The following ZFYVE28 variants were observed in gnomAD, a reference collection of about 807,000 sequenced individuals.
ZFYVE28 encodes lateral signaling target protein 2 homolog.
In ZFYVE28, 40 loss-of-function variants were observed where a neutral mutation model predicts 82.1. That is an observed-to-expected ratio of 0.49 (90% CI 0.38 to 0.63). The LOEUF is 0.63. ZFYVE28 is among the 30% of genes least tolerant of loss of function. ZFYVE28 has a pLI of 0.00. For synonymous variants in ZFYVE28, 612 were observed against 546.1 expected (o/e 1.12, Z -1.68); for missense variants, 1,321 against 1,242.1 (o/e 1.06, Z -0.96).
chr4:2,339,853 A>G lies in ZFYVE28; in HGVS notation c.319-198T>C, dbSNP rs1001750917. On this transcript the variant is annotated intron_variant, in intron 3 of 12. Transcript: ENST00000290974. The surrounding 1 kb of genome is among the most constrained non-coding windows in gnomAD (Gnocchi z 5.0). ...TGAGGGCGATAACCGATGTCCCCCA[A>G]TGTGACCCACGGGGTCCTCACAGGG... Among the ~76,000 whole-genome samples the G allele has an allele frequency of 1.9e-4, 28 of 149,474 alleles. No homozygotes were observed. The highest frequency in any genetic ancestry group is 5.9e-4 in the African/African-American group (24 of 40,802).
chr4:2,346,538 A>T (rs568150147), intron 2 of ZFYVE28, among the ~76,000 whole-genome samples: 31 of 152,256 alleles, frequency 2.0e-4, no homozygotes, highest in African/African-American at 7.2e-4. Context: ...AAATGAAAAA[A>T]ATACCCTAAC....
At chr4:2,397,970 C>T (rs1466464477) in intron 1 of ZFYVE28, among the ~76,000 whole-genome samples, 1 of 143,526 alleles carries the variant, frequency 7.0e-6, no homozygotes, top group Non-Finnish European at 1.5e-5. Flanking sequence ...GGTGTGAGGC[C>T]CAGGCACCCA....
At chr4:2,279,582 A>C (rs554838744) in intron 8 of ZFYVE28, among the ~76,000 whole-genome samples, 4 of 152,310 alleles carry the variant, frequency 2.6e-5, no homozygotes, top group East Asian at 3.9e-4. Flanking sequence ...GATCGAGACC[A>C]TCCTGGCTAA....
At chr4:2,324,117 T>C (rs570851972) in intron 6 of ZFYVE28, among the ~76,000 whole-genome samples, 3 of 152,310 alleles carry the variant, frequency 2.0e-5, no homozygotes, top group South Asian at 4.1e-4. Flanking sequence ...TTTTAAGGAA[T>C]TGTTTCATGC....
At chr4:2,410,906 C>A (rs1732455888) in intron 1 of ZFYVE28, among the ~76,000 whole-genome samples, 1 of 152,134 alleles carries the variant, frequency 6.6e-6, no homozygotes, top group African/African-American at 2.4e-5. Context: ...CTGCTATGAA[C>A]ATGAGTGTAC....
At chr4:2,357,409 G>A (rs1329717692) in intron 1 of ZFYVE28, among the ~76,000 whole-genome samples, 2 of 152,210 alleles carry the variant, frequency 1.3e-5, no homozygotes, top group Admixed American at 6.5e-5. Flanking sequence ...CCTGAACCAG[G>A]AGGGAGCATG....
chr4:2,418,279 G>T lies in ZFYVE28; in HGVS notation c.39+6C>A. ...GGGGGCGTCCGGCCCGAGCGGGGCC[G>T]CTCACCTTGGGTTTGTAGAGCCACT... On this transcript the variant is annotated splice_donor_region_variant and intron_variant, in intron 1 of 12. Transcript: ENST00000290974. The surrounding 1 kb of genome is among the most constrained non-coding windows in gnomAD (Gnocchi z 4.6). The T allele has an allele frequency of 6.5e-7, 1 of 1,536,088 alleles. No homozygotes were observed. The highest frequency in any genetic ancestry group is 1.4e-5 in the African/African-American group (1 of 71,762).
At chr4:2,387,039 C>T (rs1196949617) in intron 1 of ZFYVE28, among the ~76,000 whole-genome samples, 1 of 147,558 alleles carries the variant, frequency 6.8e-6, no homozygotes, top group African/African-American at 2.6e-5. Context: ...TGGACGGCTC[C>T]GCAGACTGCA....
intron 7 of ZFYVE28, among the ~76,000 whole-genome samples, chr4:2,311,763 G>C (rs1324155019): frequency 1.3e-5 from 2 of 151,664 alleles, no homozygotes; most frequent in East Asian, 3.9e-4. Flanking sequence ...CACTGCTTAG[G>C]CCTCATCTTA....
chr4:2,341,566 T>C lies in ZFYVE28; in HGVS notation c.230A>G (p.Gln77Arg), dbSNP rs765891293. ...GCAGAAATCTCTGGGGGCGCGGTCC[T>C]GGGGGATGCACTCATCCATGATCTG... ...INQIMDECIP[Q>R]DRAPRDFCVK... Residue 77 changes from glutamine to arginine, a missense_variant, in exon 3 of 13, where the codon CAG becomes CGG. Around this residue, in one of 2 missense-constraint regions of ZFYVE28, gnomAD observed 343 missense variants for 408.4 expected, o/e 0.84. Transcript: ENST00000290974. This position sits in a 1 kb window ranked among gnomAD's most constrained non-coding sequence, Gnocchi z 4.5. 10 of 1,614,070 alleles carry C rather than the reference T, an allele frequency of 6.2e-6. 1 individual carries two copies. In the South Asian group the frequency reaches 1.1e-4, roughly 18 times the overall value.
At chr4:2,290,505 G>C (rs987447190) in intron 8 of ZFYVE28, among the ~76,000 whole-genome samples, 1 of 152,188 alleles carries the variant, frequency 6.6e-6, no homozygotes, top group Non-Finnish European at 1.5e-5. Context: ...CCTCTCGTGA[G>C]GATGCAACGC....
intron 1 of ZFYVE28, among the ~76,000 whole-genome samples, chr4:2,376,478 A>G (rs2108909690): frequency 6.6e-6 from 1 of 151,586 alleles, no homozygotes; most frequent in Admixed American, 6.6e-5. Flanking sequence ...TTTGCAAAGG[A>G]AGGGGGTTTA....
chr4:2,400,707 A>G (rs3135076), intron 1 of ZFYVE28, among the ~76,000 whole-genome samples: 129,233 of 152,152 alleles, frequency 0.85, 55,044 homozygotes, highest in Admixed American at 0.9. Flanking sequence ...CATCCAGCAC[A>G]GGAGAAAGCT....
chr4:2,307,711 C>A (rs1716799904), intron 7 of ZFYVE28, among the ~76,000 whole-genome samples: 1 of 152,140 alleles, frequency 6.6e-6, no homozygotes, highest in South Asian at 2.1e-4. Context: ...CCAGGCTGGT[C>A]TTGAACTCCT....
rs78328417 is a variant in ZFYVE28 at position 2,412,014 on chromosome 4, C to T, written c.39+6271G>A. Among the ~76,000 whole-genome samples the T allele has an allele frequency of 5.9e-4, 90 of 152,304 alleles. No individual in the cohort carries two copies. In the East Asian group the frequency reaches 0.014, roughly 24 times the overall value. On this transcript the variant is annotated intron_variant, in intron 1 of 12. Transcript: ENST00000290974. ...CAACCATAGAGGAGGCAGGTGCTCA[C>T]GTGGTGAGTGAGCACATGGCAGCAT...
chr4:2,314,093 T>C (rs968104613), intron 7 of ZFYVE28, among the ~76,000 whole-genome samples: 2 of 152,228 alleles, frequency 1.3e-5, no homozygotes, highest in African/African-American at 4.8e-5. Flanking sequence ...ATTCAGCCCA[T>C]ATATACAGAT....
chr4:2,290,603 C>G (rs1006188606), intron 8 of ZFYVE28, among the ~76,000 whole-genome samples: 15 of 152,320 alleles, frequency 9.8e-5, no homozygotes, highest in Non-Finnish European at 5.9e-5. Context: ...CACACCTGCC[C>G]CCTGGCCCCA....
At chr4:2,384,371 C>T (rs972557342) in intron 1 of ZFYVE28, among the ~76,000 whole-genome samples, 5 of 152,212 alleles carry the variant, frequency 3.3e-5, no homozygotes, top group Non-Finnish European at 7.3e-5. Flanking sequence ...AGTGACCACC[C>T]GCCAAGGGAG....
chr4:2,323,149 T>C (rs1441118907), intron 6 of ZFYVE28, among the ~76,000 whole-genome samples: 2 of 152,228 alleles, frequency 1.3e-5, no homozygotes, highest in Non-Finnish European at 2.9e-5. Context: ...GTAGCAGCTG[T>C]GGCATTTTAC....
Sources: allele counts gnomAD v4.1 joint callset (sites outside exome capture counted in the v4.1 genomes callset), GRCh38; gene constraint gnomAD v4.1.1; regional missense constraint gnomAD v4.1.1; non-coding constraint Gnocchi (gnomAD v3.1); transcripts MANE v1.5; gene names NCBI Gene and HGNC (gene_info 2026-07-23, HGNC 2026-07-21).